PCDH7: variants seen among roughly 807,000 people sequenced by gnomAD.
The protein encoded by PCDH7 is protocadherin-7.
PCDH7 carries 17 observed loss-of-function variants against 58.9 expected under a neutral mutation model. The observed-to-expected ratio is 0.29, with a 90% confidence interval of 0.20 to 0.43. The LOEUF is 0.43. PCDH7 is among the 20% of genes least tolerant of loss of function. The pLI, the probability that PCDH7 is intolerant of heterozygous loss-of-function variation, is 1.00. For missense variants in PCDH7, 1,274 were observed against 1,441.0 expected (o/e 0.88, Z 1.88); for synonymous variants, 664 against 616.4 (o/e 1.08, Z -1.14).
chr4:30,753,085 C>A (rs1718782278), intron 1 of PCDH7, among the ~76,000 whole-genome samples: 1 of 152,096 alleles, frequency 6.6e-6, no homozygotes. Flanking sequence ...TGAAAGAGTT[C>A]TCAGTGGCTG....
chr4:30,763,603 A>T (rs1429004619), intron 1 of PCDH7, among the ~76,000 whole-genome samples: 2 of 152,234 alleles, frequency 1.3e-5, no homozygotes, highest in Non-Finnish European at 2.9e-5. Context: ...AGTCAGAAGT[A>T]GGAAATATAA....
intron 3 of PCDH7, among the ~76,000 whole-genome samples, chr4:31,101,974 G>A (rs369556751): frequency 1.3e-5 from 2 of 152,172 alleles, no homozygotes; most frequent in East Asian, 3.9e-4. Context: ...ATTTCACTTG[G>A]CTCTGACCCT....
chr4:30,920,160 G>T (rs1167434346), exon 2 of PCDH7: 1 of 1,367,188 alleles, frequency 7.3e-7, no homozygotes, highest in African/African-American at 1.5e-5. Flanking sequence ...CAGCCATTTC[G>T]TAGAGTGACG....
intron 3 of PCDH7, among the ~76,000 whole-genome samples, chr4:31,035,931 A>G (rs1197932430): frequency 6.6e-6 from 1 of 152,156 alleles, no homozygotes; most frequent in African/African-American, 2.4e-5. Flanking sequence ...ACATCACTAA[A>G]TGTTCATAAG....
intron 3 of PCDH7, among the ~76,000 whole-genome samples, chr4:31,082,585 C>T (rs1045342028): frequency 6.6e-6 from 1 of 152,150 alleles, no homozygotes; most frequent in Non-Finnish European, 1.5e-5. Flanking sequence ...ATGACATTAT[C>T]AGAAGTTGAT....
At chr4:30,895,143 A>AT (rs1553909648) in intron 1 of PCDH7, among the ~76,000 whole-genome samples, 6 of 151,890 alleles carry the variant, frequency 4.0e-5, no homozygotes, top group Middle Eastern at 3.4e-3. Flanking sequence ...AGCAAAAAAA[A>AT]AATAATAATA....
intron 1 of PCDH7, among the ~76,000 whole-genome samples, chr4:30,729,071 C>G (rs1398511613): frequency 1.3e-5 from 2 of 151,784 alleles, no homozygotes; most frequent in African/African-American, 2.4e-5. Context: ...AGGTGTCAAA[C>G]AGTCCCCTCA....
intron 3 of PCDH7, among the ~76,000 whole-genome samples, chr4:31,066,689 A>C (rs112107222): frequency 4.0e-5 from 6 of 151,876 alleles, no homozygotes; most frequent in Admixed American, 1.3e-4. Context: ...AGGGTTTAAT[A>C]TATTTTGGTC....
rs144509252 is a variant in PCDH7 at position 30,777,496 on chromosome 4, T to C, written c.70+52900T>C. ...ATTATCATTTACGTCCTATGAATAT[T>C]ATGTAAAGTGCTTTAGAATCACACT... On this transcript the variant is annotated intron_variant, in intron 1 of 3. Coordinates refer to the PCDH7 transcript ENST00000509759. Among the ~76,000 whole-genome samples, 9 of 152,284 alleles carry C rather than the reference T, an allele frequency of 5.9e-5. No individual in the cohort carries two copies. In the East Asian group the frequency reaches 1.7e-3, roughly 29 times the overall value.
At chr4:31,019,107 A>G (rs1340551778) in intron 3 of PCDH7, among the ~76,000 whole-genome samples, 5 of 152,288 alleles carry the variant, frequency 3.3e-5, no homozygotes, top group South Asian at 4.2e-4. Flanking sequence ...GATCCTAAGA[A>G]GGGAATTAGT....
At chr4:31,091,130 C>G (rs1254396007) in intron 3 of PCDH7, among the ~76,000 whole-genome samples, 1 of 151,890 alleles carries the variant, frequency 6.6e-6, no homozygotes, top group East Asian at 1.9e-4. Flanking sequence ...ATCCTGTCAC[C>G]AAAACCTAAA....
exon 4 of PCDH7, chr4:31,142,891 A>G (rs776412380): frequency 7.7e-7 from 1 of 1,301,868 alleles, no homozygotes; most frequent in Non-Finnish European, 1.0e-6. Context: ...ATGTATGAAA[A>G]GGAGAATAAG....
In PCDH7 at chr4:30,726,703, T is replaced by C. The variant is rs2109232216; in HGVS notation, c.3174+2107T>C. ...GTGACTTTGGAAAACTTTTCTGTCA[T>C]TACATATTCAAAAGAAGTATACACT... On this transcript the variant is annotated intron_variant, in intron 1 of 1. Coordinates refer to ENST00000361762, the Ensembl canonical transcript of PCDH7. Among the ~76,000 whole-genome samples the C allele has an allele frequency of 2.6e-5, 4 of 152,070 alleles. No individual in the cohort carries two copies. The South Asian group carries it at 8.3e-4, about 32-fold the overall frequency.
intron 2 of PCDH7, among the ~76,000 whole-genome samples, chr4:30,927,668 T>A (rs1744048563): frequency 1.3e-5 from 2 of 152,092 alleles, no homozygotes; most frequent in Non-Finnish European, 2.9e-5. Flanking sequence ...GCATGCTCGT[T>A]AAGAGTCATC....
chr4:30,753,374 T>G (rs1185372507), intron 1 of PCDH7, among the ~76,000 whole-genome samples: 1 of 152,238 alleles, frequency 6.6e-6, no homozygotes, highest in Non-Finnish European at 1.5e-5. Context: ...GAACAGCATA[T>G]TTTCTTGAGT....
intron 1 of PCDH7, among the ~76,000 whole-genome samples, chr4:30,857,661 A>T (rs1309842843): frequency 6.6e-6 from 1 of 152,132 alleles, no homozygotes; most frequent in Non-Finnish European, 1.5e-5. Context: ...CAATACAACA[A>T]GGTCTATTAT....
At chr4:30,832,816 T>C (rs1729971948) in intron 1 of PCDH7, among the ~76,000 whole-genome samples, 1 of 152,166 alleles carries the variant, frequency 6.6e-6, no homozygotes, top group African/African-American at 2.4e-5. Flanking sequence ...GTGAGTAAGA[T>C]GGATAAATAT....
intron 1 of PCDH7, among the ~76,000 whole-genome samples, chr4:30,772,913 T>C (rs570881438): frequency 6.6e-6 from 1 of 152,184 alleles, no homozygotes; most frequent in Non-Finnish European, 1.5e-5. Context: ...TAATCCCTTT[T>C]TTTTGTGAGA....
At chr4:30,929,040 T>C (rs1487374907) in intron 2 of PCDH7, among the ~76,000 whole-genome samples, 1 of 152,186 alleles carries the variant, frequency 6.6e-6, no homozygotes, top group Non-Finnish European at 1.5e-5. Flanking sequence ...TCTCTCTGCT[T>C]ATAAACATGG....
Sources: allele counts gnomAD v4.1 joint callset (sites outside exome capture counted in the v4.1 genomes callset), GRCh38; gene constraint gnomAD v4.1.1; transcripts MANE v1.5; gene names NCBI Gene and HGNC (gene_info 2026-07-23, HGNC 2026-07-21).